The following HDAC8 variants were observed in gnomAD, a reference collection of about 807,000 sequenced individuals.
The protein encoded by HDAC8 is histone deacetylase 8.
Under a neutral mutation model 32.2 loss-of-function variants are expected in HDAC8, and 1 was observed. The ratio of observed to expected loss-of-function variants is 0.03; its 90% CI spans 0.01 to 0.15. The LOEUF (loss-of-function observed/expected upper bound fraction) is 0.15, where lower values mean the gene tolerates loss of function less well. HDAC8 is among the 10% of genes least tolerant of loss of function. HDAC8 has a pLI of 1.00. For missense variants in HDAC8, 117 were observed against 300.0 expected (o/e 0.39, Z 4.51); for synonymous variants, 108 against 113.9 (o/e 0.95, Z 0.33).
At chrX:72,468,748 G>A (rs1374143945) in intron 7 of HDAC8, among the ~76,000 whole-genome samples, 2 of 111,819 alleles carry the variant, frequency 1.8e-5, no homozygotes, top group African/African-American at 6.5e-5. Flanking sequence ...TCCACTAGGG[G>A]AGGAAAACAG....
At chrX:72,487,163 T>C (rs2048702368) in intron 7 of HDAC8, among the ~76,000 whole-genome samples, 1 of 111,759 alleles carries the variant, frequency 8.9e-6, no homozygotes, top group African/African-American at 3.3e-5. Flanking sequence ...ATCATGCTTT[T>C]TGTAAAGCGA....
chrX:72,524,206 T>C (rs1556030437), intron 4 of HDAC8, among the ~76,000 whole-genome samples: 1 of 112,153 alleles, frequency 8.9e-6, no homozygotes, highest in Non-Finnish European at 1.9e-5. Flanking sequence ...TCCAAAAATC[T>C]ATATCTTCAT....
intron 9 of HDAC8, among the ~76,000 whole-genome samples, chrX:72,431,144 A>T (rs921122465): frequency 9.0e-6 from 1 of 110,700 alleles, no homozygotes; most frequent in Non-Finnish European, 1.9e-5. Flanking sequence ...TACACACTTG[A>T]ACCCTCTTTC....
rs1324464792 is a variant in HDAC8 at position 72,567,984 on chromosome X, A to G, written c.342T>C (p.Ala114=). 9.9e-6 allele frequency: 12 copies of G among 1,209,608 alleles called. No individual in the cohort carries two copies. The highest frequency in any genetic ancestry group is 1.3e-5 in the Non-Finnish European group (12 of 895,204). The change falls in exon 4 of 11, where the codon GCT becomes GCC. Residue 114 remains alanine, a synonymous_variant. Coordinates refer to ENST00000373573, the MANE Select transcript of HDAC8 (RefSeq NM_018486.3). ...ATEGIFDYAA[A]IGGATITAAQ... ...CAGCTGTGATCGTAGCCCCTCCTAT[A>G]GCTGCTGCATAGTCAAATATCCCTT...
At chrX:72,550,075 T>C (rs1223813198) in intron 4 of HDAC8, among the ~76,000 whole-genome samples, 1 of 111,946 alleles carries the variant, frequency 8.9e-6, no homozygotes, top group Non-Finnish European at 1.9e-5. Context: ...TTTCTGAAAC[T>C]ACAAGGAGAA....
intron 9 of HDAC8, among the ~76,000 whole-genome samples, chrX:72,443,147 G>C (rs1304095900): frequency 1.8e-5 from 2 of 110,560 alleles, no homozygotes; most frequent in Non-Finnish European, 3.8e-5. Flanking sequence ...AGTTAACAAG[G>C]ATACCCAGGA....
At chrX:72,529,565 C>T (rs1208058789) in intron 4 of HDAC8, among the ~76,000 whole-genome samples, 1 of 112,292 alleles carries the variant, frequency 8.9e-6, no homozygotes, top group African/African-American at 3.2e-5. Context: ...CCCTGTAAGA[C>T]TCATTTCAGA....
intron 4 of HDAC8, among the ~76,000 whole-genome samples, chrX:72,496,256 ACTT>A (rs1223926527): frequency 1.8e-5 from 2 of 110,862 alleles, no homozygotes; most frequent in Admixed American, 9.7e-5. Flanking sequence ...CAATGCATAA[ACTT>A]CTTCATGAAA....
In HDAC8 at chrX:72,332,738, G is replaced by A. The variant is rs918843372; in HGVS notation, c.1112-2662C>T. ...GCGATCTCGGCTCACTGCAAACTCC[G>A]CCTCCTGGGTTCAAGCGATTCTCCT... On this transcript the variant is annotated intron_variant, in intron 10 of 10. Coordinates refer to ENST00000373573, the MANE Select transcript of HDAC8 (RefSeq NM_018486.3). 2.7e-5 allele frequency among the ~76,000 whole-genome samples: 3 copies of A among 109,895 alleles called. No individual in the cohort carries two copies. The South Asian group carries it at 1.2e-3, about 43-fold the overall frequency.
chrX:72,407,436 T>C (rs1602713165), intron 9 of HDAC8, among the ~76,000 whole-genome samples: 1 of 112,332 alleles, frequency 8.9e-6, no homozygotes. Context: ...TTCCCCTTTT[T>C]TTCCCTTTTG....
intron 9 of HDAC8, among the ~76,000 whole-genome samples, chrX:72,370,596 T>A (rs782596454): frequency 9.0e-6 from 1 of 111,239 alleles, no homozygotes; most frequent in Admixed American, 9.4e-5. Context: ...CCTGACCTCA[T>A]GATCCACCTG....
At chrX:72,373,252 C>G (rs1182479982) in intron 9 of HDAC8, among the ~76,000 whole-genome samples, 1 of 111,792 alleles carries the variant, frequency 8.9e-6, no homozygotes, top group African/African-American at 3.3e-5. Flanking sequence ...TATAATTTAC[C>G]CTTTTAGAGT....
chrX:72,518,690 T>G (rs1204753090), intron 4 of HDAC8, among the ~76,000 whole-genome samples: 2 of 111,879 alleles, frequency 1.8e-5, no homozygotes, highest in Non-Finnish European at 3.8e-5. Context: ...TCATATAGAA[T>G]AGTTTCGCTG....
chrX:72,405,837 G>C (rs185015837), intron 9 of HDAC8, among the ~76,000 whole-genome samples: 2 of 111,477 alleles, frequency 1.8e-5, no homozygotes, highest in Non-Finnish European at 3.8e-5. Flanking sequence ...GATGTATAAA[G>C]CTTCATTGAG....
intron 9 of HDAC8, among the ~76,000 whole-genome samples, chrX:72,395,023 C>T (rs1267973383): frequency 1.8e-5 from 2 of 111,262 alleles, no homozygotes; most frequent in African/African-American, 3.3e-5. Flanking sequence ...CAGAGTAACA[C>T]ATAGTCCCTC....
At chrX:72,554,685 T>C (rs1326242682) in intron 4 of HDAC8, among the ~76,000 whole-genome samples, 1 of 111,321 alleles carries the variant, frequency 9.0e-6, no homozygotes, top group Non-Finnish European at 1.9e-5. Flanking sequence ...GTAACTCTAC[T>C]GGACTGGGAA....
At chrX:72,337,751 C>G (rs1223063844) in intron 10 of HDAC8, among the ~76,000 whole-genome samples, 1 of 111,892 alleles carries the variant, frequency 8.9e-6, no homozygotes, top group African/African-American at 3.3e-5. Context: ...ATCCCTCTAA[C>G]AGCCTCCAAT....
At chrX:72,509,372 G>C (rs781957469) in intron 4 of HDAC8, among the ~76,000 whole-genome samples, 1 of 111,483 alleles carries the variant, frequency 9.0e-6, no homozygotes, top group Non-Finnish European at 1.9e-5. Flanking sequence ...GCCTCCCAAA[G>C]TGCTGGGATT....
At chrX:72,512,065 A>G (rs1556022232) in intron 4 of HDAC8, among the ~76,000 whole-genome samples, 1 of 112,112 alleles carries the variant, frequency 8.9e-6, no homozygotes, top group Non-Finnish European at 1.9e-5. Flanking sequence ...GGGAAATTCT[A>G]TGAATTTACC....
Sources: gnomAD v4.1 joint callset for allele counts (sites outside exome capture counted in the v4.1 genomes callset) on GRCh38, gnomAD v4.1.1 for gene constraint, MANE v1.5 for transcripts, NCBI Gene and HGNC (gene_info 2026-07-23, HGNC 2026-07-21) for gene names.